IAH1: variants seen among roughly 807,000 people sequenced by gnomAD.
IAH1 encodes the protein isoamyl acetate hydrolyzing esterase 1 (putative).
In IAH1, 24 loss-of-function variants were observed where a neutral mutation model predicts 26.7. That is an observed-to-expected ratio of 0.90 (90% confidence interval 0.65 to 1.26). IAH1 has a LOEUF of 1.26. Among genes scored for constraint, IAH1 ranks in the 50% most tolerant of loss-of-function variants. The probability of loss-of-function intolerance (pLI) is 0.00; values close to 1 mark genes in which losing one functional copy is unlikely to be tolerated. For missense variants in IAH1, 300 were observed against 299.9 expected (o/e 1.00, Z 0.00); for synonymous variants, 140 against 118.5 (o/e 1.18, Z -1.18).
At chr2:9,487,193 G>T (rs904725045) in intron 5 of IAH1, among the ~76,000 whole-genome samples, 1 of 152,088 alleles carries the variant, frequency 6.6e-6, no homozygotes, top group African/African-American at 2.4e-5. Flanking sequence ...AGTGAGCCAT[G>T]ATCATGTCAC....
the IAH1 span, among the ~76,000 whole-genome samples, chr2:9,506,254 G>GT: frequency 1.3e-5 from 2 of 150,904 alleles, no homozygotes. Flanking sequence ...AAAGGTGCCT[G>GT]TAACCACCAA....
the IAH1 span, among the ~76,000 whole-genome samples, chr2:9,510,916 A>C: frequency 6.6e-6 from 1 of 152,258 alleles, no homozygotes; most frequent in Admixed American, 6.5e-5. Flanking sequence ...AATACTATCA[A>C]ACATTATTGT....
rs1660930305 is a variant in IAH1, at chr2:9,478,048, A to C, written c.135-174A>C. Among the ~76,000 whole-genome samples the C allele has an allele frequency of 6.6e-6, 1 of 152,174 alleles. No individual in the cohort carries two copies. Among genetic ancestry groups the C allele is most frequent in the Non-Finnish European group, 1.5e-5 (1 of 68,026 alleles). On this transcript the variant is annotated intron_variant, in intron 2 of 5. Transcript: ENST00000497473. ...ATTTACCTGTATCTTTGAATGGCTTAAGATTAGCATGCTTCAGCTATGTTC... is the reference window on the plus strand; with the variant it reads ...ATTTACCTGTATCTTTGAATGGCTTCAGATTAGCATGCTTCAGCTATGTTC...
chr2:9,502,643 G>C, the IAH1 span, among the ~76,000 whole-genome samples: 1 of 152,062 alleles, frequency 6.6e-6, no homozygotes, highest in Non-Finnish European at 1.5e-5. Context: ...TTGGGAGGCC[G>C]AGGTGGGTGG....
At chr2:9,483,445 G>GT (rs999540368) in intron 4 of IAH1, among the ~76,000 whole-genome samples, 6 of 151,886 alleles carry the variant, frequency 4.0e-5, no homozygotes, top group Admixed American at 3.9e-4. Context: ...GGGGTAGCTA[G>GT]TTATAATCTA....
At chr2:9,476,170 T>C in intron 2 of IAH1, 131 bp downstream of exon 2, 3 of 703,214 alleles carry the variant, frequency 4.3e-6, no homozygotes, top group East Asian at 2.7e-5. Flanking sequence ...CTAATCAGTA[T>C]ATAGGAGAAG....
chr2:9,491,150 T>TCCTAGAAAGAAACAGCAAGAAG, downstream of IAH1: 2 of 1,612,618 alleles, frequency 1.2e-6, no homozygotes, highest in Non-Finnish European at 1.7e-6. Flanking sequence ...CAATTTCTTA[T>TCCTAGAAAGAAACAGCAAGAAG]CCTAGAAAGA....
the IAH1 span, chr2:9,505,713 A>T: frequency 3.7e-6 from 1 of 267,240 alleles, no homozygotes; most frequent in African/African-American, 2.2e-5. Context: ...ATCAGACTTG[A>T]AATCTCCTCA....
At position 9,478,472 on chromosome 2, in the gene IAH1, A is replaced by G. The variant is rs1045520865; in HGVS notation, c.283+102A>G. ...TTTTTCAACTGTTTACTTTCTCCCA[A>G]TAGATACAGTTTTGCCAAACTTATG... On this transcript the variant is annotated intron_variant, in intron 3 of 5. Transcript: ENST00000497473. The G allele has an allele frequency of 6.0e-6, 7 of 1,165,196 alleles. No individual in the cohort carries two copies. In the African/African-American group the frequency reaches 6.2e-5, roughly 10 times the overall value. The allele number at this position is 1,165,196 out of a possible 1,614,324, so 72.2% of individuals were successfully genotyped here.
chr2:9,505,459 T>C, the IAH1 span: 1 of 1,320,048 alleles, frequency 7.6e-7, no homozygotes, highest in Non-Finnish European at 1.1e-6. Context: ...AAACTCTTAA[T>C]GTAAAACCAC....
Position 9,488,407 on chromosome 2 carries a change from T to G in IAH1, c.*78T>G, listed in dbSNP as rs1572861802. 1 of 1,198,458 alleles carries G rather than the reference T, an allele frequency of 8.3e-7. No individual in the cohort carries two copies. The highest frequency in any genetic ancestry group is 1.2e-6 in the Non-Finnish European group (1 of 860,344). 74.2% of individuals were successfully genotyped at this position (1,198,458 alleles called of 1,614,324 possible). On this transcript the variant is annotated 3_prime_UTR_variant, in exon 6 of 6. Coordinates refer to ENST00000497473, the MANE Select transcript of IAH1 (RefSeq NM_001039613.3). ...AATACGTAGAGGTACGCTTTTTTCCTCAGGCTTAAACCTTTGCCACTGATA... is the reference window on the plus strand; with the variant it reads ...AATACGTAGAGGTACGCTTTTTTCCGCAGGCTTAAACCTTTGCCACTGATA...
chr2:9,488,324 C>T lies in IAH1; in HGVS notation c.742C>T (p.His248Tyr). The change falls in exon 6 of 6, where the codon CAT becomes TAT. Residue 248 changes from histidine (H) to tyrosine (Y), a missense_variant. By Grantham distance (83) the His-to-Tyr change is moderately conservative. Coordinates refer to ENST00000497473, the MANE Select transcript of IAH1 (RefSeq NM_001039613.3). ...PELSLLGDGD[H>Y] is the part of the protein sequence containing the mutation. ...ATTAAGTCTGCTGGGAGATGGAGAC[C>T]ATTAGCCAATCACAGGAGACCCAAA... is the stretch of plus-strand genomic sequence containing the variant. 1 of 1,598,714 alleles carries T rather than the reference C, an allele frequency of 6.3e-7. No individual in the cohort carries two copies. Among genetic ancestry groups the T allele is most frequent in the Non-Finnish European group, 8.5e-7 (1 of 1,174,948 alleles).
the IAH1 span, chr2:9,502,395 C>CA: frequency 1.3e-6 from 1 of 779,940 alleles, no homozygotes; most frequent in Non-Finnish European, 2.1e-6. Flanking sequence ...CTGGCTCCGT[C>CA]ACCCACTCCT....
At chr2:9,484,312 G>A in intron 4 of IAH1, 120 bp from the exon 5 acceptor site, 1 of 792,702 alleles carries the variant, frequency 1.3e-6, no homozygotes, top group Non-Finnish European at 2.2e-6. Context: ...CCCGGGGCTG[G>A]CCCAAGTGGG....
At chr2:9,484,317 A>G in intron 4 of IAH1, 115 bp from the exon 5 acceptor site, 1 of 827,440 alleles carries the variant, frequency 1.2e-6, no homozygotes, top group Non-Finnish European at 2.0e-6. Context: ...GGCTGGCCCA[A>G]GTGGGGTCAA....
the IAH1 span, chr2:9,510,014 G>A: frequency 6.2e-7 from 1 of 1,613,898 alleles, no homozygotes; most frequent in Non-Finnish European, 8.5e-7. Flanking sequence ...ACAGCTATGG[G>A]ATACATGACA....
At chr2:9,508,022 T>A in the IAH1 span, among the ~76,000 whole-genome samples, 8 of 152,306 alleles carry the variant, frequency 5.3e-5, no homozygotes, top group Non-Finnish European at 1.0e-4. Flanking sequence ...GGCAAGTTCT[T>A]ACAGGGCTGT....
chr2:9,500,398 G>A (rs535252601), downstream of IAH1, among the ~76,000 whole-genome samples: 2 of 152,342 alleles, frequency 1.3e-5, no homozygotes, highest in Non-Finnish European at 2.9e-5. Context: ...GCTCTGAGTT[G>A]TGGGGAATGG....
At chr2:9,477,521 T>C (rs1217146079) in intron 2 of IAH1, among the ~76,000 whole-genome samples, 1 of 152,094 alleles carries the variant, frequency 6.6e-6, no homozygotes, top group African/African-American at 2.4e-5. Flanking sequence ...GTGACTGGTA[T>C]TCTCTGAGGG....
Sources: gnomAD v4.1 joint callset for allele counts (sites outside exome capture counted in the v4.1 genomes callset) on GRCh38, gnomAD v4.1.1 for gene constraint, MANE v1.5 for transcripts, NCBI Gene and HGNC (gene_info 2026-07-23, HGNC 2026-07-21) for gene names.